Variants in DNAJA3 observed in about 807,000 individuals in gnomAD.
The protein encoded by DNAJA3 is DnaJ heat shock protein family (Hsp40) member A3.
Under a neutral mutation model 54.9 loss-of-function variants are expected in DNAJA3, and 29 were observed. The ratio of observed to expected loss-of-function variants is 0.53; its 90% CI spans 0.39 to 0.72. The LOEUF (loss-of-function observed/expected upper bound fraction) is 0.72, where lower values mean the gene tolerates loss of function less well. Ranked by LOEUF, DNAJA3 falls within the 30% of genes least tolerant of loss-of-function variation. DNAJA3 has a pLI of 0.00. For synonymous variants in DNAJA3, 302 were observed against 251.4 expected (o/e 1.20, Z -1.90); for missense variants, 708 against 639.4 (o/e 1.11, Z -1.16).
intron 7 of DNAJA3, among the ~76,000 whole-genome samples, chr16:4,445,064 A>G (rs1456577333): frequency 6.6e-6 from 1 of 152,234 alleles, no homozygotes; most frequent in East Asian, 1.9e-4. Context: ...TACAGGGGCA[A>G]ACCTTGGTTT....
Position 4,442,307 on chromosome 16 carries a change from G to A in DNAJA3, c.670G>A (p.Val224Ile), listed in dbSNP as rs188192519. ...ELTFNQAAKG[V>I]NKEFTVNIMD... ...GACATTCAATCAAGCTGCAAAGGGG[G>A]TCAACAAGGAGTTCACCGTGAACAT... Residue 224 changes from valine to isoleucine, a missense_variant, in exon 5 of 12, where the codon GTC (valine) becomes ATC (isoleucine). Coordinates refer to ENST00000262375, the MANE Select transcript of DNAJA3 (RefSeq NM_005147.6). 1.1e-5 allele frequency: 17 copies of A among 1,604,774 alleles called. No individual in the cohort carries two copies. Among genetic ancestry groups the A allele is most frequent in the African/African-American group, 2.7e-5 (2 of 74,536 alleles).
intron 1 of DNAJA3, 151 bp downstream of exon 1, chr16:4,426,243 G>C (rs1394522607): frequency 1.0e-6 from 1 of 969,762 alleles, no homozygotes; most frequent in Non-Finnish European, 1.4e-6. Flanking sequence ...GGCAGGAGGC[G>C]GGGAGGCCCC....
At chr16:4,455,126 C>T (rs899248054) in intron 11 of DNAJA3, among the ~76,000 whole-genome samples, 199 bp downstream of exon 11, 39 of 152,302 alleles carry the variant, frequency 2.6e-4, no homozygotes, top group African/African-American at 9.4e-4. Context: ...GCCTGTAGTG[C>T]AGGACTGGCT....
intron 2 of DNAJA3, 80 bp downstream of exon 2, chr16:4,434,597 G>T (rs955756314): frequency 1.3e-6 from 2 of 1,516,526 alleles, no homozygotes; most frequent in South Asian, 2.5e-5. Flanking sequence ...TCAGTACAGC[G>T]TATGTGCCCA....
chr16:4,428,892 T>G (rs1355275026), intron 1 of DNAJA3, among the ~76,000 whole-genome samples: 2 of 147,316 alleles, frequency 1.4e-5, no homozygotes, highest in Non-Finnish European at 3.0e-5. Context: ...ATTTTTTTTT[T>G]TTTTTTTTTT....
At chr16:4,438,872 T>A (rs2056805679) in intron 3 of DNAJA3, among the ~76,000 whole-genome samples, 1 of 152,056 alleles carries the variant, frequency 6.6e-6, no homozygotes, top group Non-Finnish European at 1.5e-5. Context: ...ACTCAGTAAA[T>A]CTTTTTTGAG....
intron 1 of DNAJA3, chr16:4,426,819 A>T (rs1265522734): frequency 6.6e-6 from 1 of 152,228 alleles, no homozygotes; most frequent in Non-Finnish European, 1.5e-5. Flanking sequence ...TAAACCACTT[A>T]TAAATGTCAC....
chr16:4,432,845 A>G (rs1168695557), intron 1 of DNAJA3, among the ~76,000 whole-genome samples: 2 of 151,864 alleles, frequency 1.3e-5, no homozygotes, highest in Admixed American at 1.3e-4. Flanking sequence ...TCAAAAAACA[A>G]AGAAACAAAA....
At chr16:4,455,377 C>G in intron 11 of DNAJA3, 169 bp from the exon 12 acceptor site, 1 of 717,038 alleles carries the variant, frequency 1.4e-6, no homozygotes, top group South Asian at 1.7e-5. Context: ...AGCGCTTGCT[C>G]GCCGTGTCAT....
intron 1 of DNAJA3, 57 bp downstream of exon 1, chr16:4,426,149 C>T: frequency 1.4e-6 from 2 of 1,455,706 alleles, no homozygotes; most frequent in South Asian, 1.4e-5. Flanking sequence ...AAGAGTGAGT[C>T]TCCTCGCTGT....
chr16:4,450,543 C>T (rs2304634), intron 10 of DNAJA3, 46 bp downstream of exon 10: 950,327 of 1,449,482 alleles, frequency 0.66, 317,121 homozygotes, highest in Non-Finnish European at 0.69. Flanking sequence ...GGCCTCAGAG[C>T]CCCCCAGGGT....
At chr16:4,433,384 A>T (rs924620738) in intron 1 of DNAJA3, 2 of 152,190 alleles carry the variant, frequency 1.3e-5, no homozygotes, top group Non-Finnish European at 2.9e-5. Flanking sequence ...CGACCTTCTT[A>T]GATTGATTTG....
At chr16:4,437,897 A>G (rs1466784489) in intron 3 of DNAJA3, among the ~76,000 whole-genome samples, 1 of 151,896 alleles carries the variant, frequency 6.6e-6, no homozygotes, top group African/African-American at 2.4e-5. Flanking sequence ...GCAGTGACCC[A>G]TGATGCCATG....
chr16:4,436,911 A>G (rs530822400), intron 2 of DNAJA3, among the ~76,000 whole-genome samples: 2 of 152,318 alleles, frequency 1.3e-5, no homozygotes, highest in South Asian at 4.2e-4. Context: ...GGGCAAAGAT[A>G]CATCAGAATC....
At chr16:4,428,764 G>A (rs188565557) in intron 1 of DNAJA3, among the ~76,000 whole-genome samples, 9 of 152,294 alleles carry the variant, frequency 5.9e-5, no homozygotes, top group Non-Finnish European at 1.2e-4. Context: ...CTGGTTGGGC[G>A]GGGTGGCTCA....
chr16:4,441,614 C>CT, intron 4 of DNAJA3, 39 bp downstream of exon 4: 1 of 1,604,834 alleles, frequency 6.2e-7, no homozygotes, highest in Non-Finnish European at 8.5e-7. Context: ...AAATTTTAGA[C>CT]TAAGTATGGG....
rs770146336 is a variant in DNAJA3, at chr16:4,448,791, G to C, written c.1184G>C (p.Arg395Pro). The change falls in exon 9 of 12, where the codon CGG (arginine) becomes CCG (proline). Residue 395 changes from arginine (R) to proline (P), a missense_variant. By Grantham distance (103) the Arg-to-Pro change is moderately radical (BLOSUM62 -2). Transcript: ENST00000262375. ...KIRMGGKGIPRINSYGYGDHY... is the reference protein window; with the variant it reads ...KIRMGGKGIPPINSYGYGDHY... Reference sequence around the variant, plus strand: ...CGGATGGGTGGGAAAGGCATCCCCCGGATTAACAGCTACGGCTACGGAGAC... The same window carrying C: ...CGGATGGGTGGGAAAGGCATCCCCCCGATTAACAGCTACGGCTACGGAGAC... 6.2e-7 allele frequency: 1 copy of C among 1,614,124 alleles called. No homozygotes were observed. Among genetic ancestry groups the C allele is most frequent in the Non-Finnish European group, 8.5e-7 (1 of 1,179,996 alleles).
At chr16:4,427,586 T>C (rs2056640924) in intron 1 of DNAJA3, among the ~76,000 whole-genome samples, 2 of 152,202 alleles carry the variant, frequency 1.3e-5, no homozygotes, top group African/African-American at 2.4e-5. Flanking sequence ...TTGAGGCCAA[T>C]TGTATGCCAG....
intron 1 of DNAJA3, among the ~76,000 whole-genome samples, 180 bp downstream of exon 1, chr16:4,426,272 A>G (rs2056621106): frequency 6.6e-6 from 1 of 152,184 alleles, no homozygotes; most frequent in East Asian, 1.9e-4. Flanking sequence ...CTCAGCCGTC[A>G]AGGAAGGGAG....
Sources: allele counts gnomAD v4.1 joint callset (sites outside exome capture counted in the v4.1 genomes callset), GRCh38; gene constraint gnomAD v4.1.1; transcripts MANE v1.5; gene names NCBI Gene and HGNC (gene_info 2026-07-23, HGNC 2026-07-21).